PCNX1: variants seen among roughly 807,000 people sequenced by gnomAD.
The protein encoded by PCNX1 is pecanex 1.
Under a neutral mutation model 242.2 loss-of-function variants are expected in PCNX1, and 78 were observed. The observed-to-expected ratio is 0.32, with a 90% CI of 0.27 to 0.39. The LOEUF (loss-of-function observed/expected upper bound fraction) is 0.39, where lower values mean the gene tolerates loss of function less well. PCNX1 is among the 10% of genes least tolerant of loss of function. PCNX1 has a pLI of 1.00. For missense variants in PCNX1, 2,581 were observed against 2,856.5 expected, an observed-to-expected ratio of 0.90 and a Z score of 2.20; for synonymous variants, 1,024 against 1,032.9, an observed-to-expected ratio of 0.99 and a Z score of 0.17.
intron 3 of PCNX1, among the ~76,000 whole-genome samples, chr14:70,965,082 T>A (rs2058336754): frequency 6.6e-6 from 1 of 152,178 alleles, no homozygotes; most frequent in African/African-American, 2.4e-5. Flanking sequence ...TACTAAACAG[T>A]GAACCCACTG....
chr14:71,074,128 C>G (rs1028352390), intron 27 of PCNX1, among the ~76,000 whole-genome samples: 1 of 152,168 alleles, frequency 6.6e-6, no homozygotes, highest in Non-Finnish European at 1.5e-5. Flanking sequence ...AAGTATTTCC[C>G]TATTTTACAA....
intron 1 of PCNX1, among the ~76,000 whole-genome samples, chr14:70,929,835 A>G (rs2056724371): frequency 6.6e-6 from 1 of 152,240 alleles, no homozygotes. Context: ...ATATGTGAAT[A>G]AATTGGACAA....
At chr14:71,012,107 G>C (rs1400941108) in intron 10 of PCNX1, 1 of 152,972 alleles carries the variant, frequency 6.5e-6, no homozygotes, top group Non-Finnish European at 1.5e-5. Flanking sequence ...ATATAGTATA[G>C]TAATTTGTAT....
chr14:71,049,392 T>G (rs1276299897), intron 22 of PCNX1, among the ~76,000 whole-genome samples: 1 of 152,152 alleles, frequency 6.6e-6, no homozygotes, highest in Non-Finnish European at 1.5e-5. Context: ...CAGATACATT[T>G]TTTACATTAA....
At chr14:70,932,042 G>A (rs1344969580) in intron 1 of PCNX1, among the ~76,000 whole-genome samples, 2 of 152,314 alleles carry the variant, frequency 1.3e-5, no homozygotes, top group East Asian at 1.9e-4. Flanking sequence ...CAGGAGAATC[G>A]CTTGAACCTG....
At chr14:71,104,161 G>A (rs533579395) in intron 32 of PCNX1, among the ~76,000 whole-genome samples, 1 of 152,234 alleles carries the variant, frequency 6.6e-6, no homozygotes, top group Admixed American at 6.5e-5. Flanking sequence ...AATCTACAGT[G>A]TTTTCAAATA....
chr14:71,084,967 G>T (rs2061947546), intron 28 of PCNX1, among the ~76,000 whole-genome samples: 1 of 152,204 alleles, frequency 6.6e-6, no homozygotes, highest in Non-Finnish European at 1.5e-5. Flanking sequence ...CAGGGCCCTG[G>T]TGGTATAGGC....
intron 26 of PCNX1, among the ~76,000 whole-genome samples, chr14:71,060,018 C>G (rs2061284728): frequency 6.6e-6 from 1 of 152,192 alleles, no homozygotes; most frequent in South Asian, 2.1e-4. Flanking sequence ...ATGTCCCTTT[C>G]TCAGAGAAGC....
At chr14:71,104,343 A>G (rs1232953778) in intron 32 of PCNX1, among the ~76,000 whole-genome samples, 2 of 152,172 alleles carry the variant, frequency 1.3e-5, no homozygotes, top group African/African-American at 2.4e-5. Context: ...CAAATGTTCA[A>G]TCTCCGCCCA....
intron 13 of PCNX1, among the ~76,000 whole-genome samples, chr14:71,024,013 A>G (rs2060173507): frequency 6.6e-6 from 1 of 152,166 alleles, no homozygotes; most frequent in Non-Finnish European, 1.5e-5. Flanking sequence ...ATTGCTTTTC[A>G]ACTTTTTATT....
rs1476111108 is a variant in PCNX1, at chr14:71,081,716, C to CT, written c.5337+5300dup. Among the ~76,000 whole-genome samples the CT allele has an allele frequency of 3.3e-5, 5 of 152,222 alleles. No homozygotes were observed. The East Asian group carries it at 9.6e-4, about 29-fold the overall frequency. On this transcript the variant is annotated intron_variant, in intron 28 of 35. Transcript: ENST00000304743. ...TCTGTGGGATCAGTGGTGATATCCCCTTTATCATTTTTACTGTGTCTATTT... is the reference window on the plus strand; with the variant it reads ...TCTGTGGGATCAGTGGTGATATCCCCTTTTATCATTTTTACTGTGTCTATTT...
intron 1 of PCNX1, among the ~76,000 whole-genome samples, chr14:70,944,039 A>G (rs948739538): frequency 2.0e-5 from 3 of 152,184 alleles, no homozygotes; most frequent in African/African-American, 7.2e-5. Context: ...GCAGTGGTGG[A>G]GCCCTTATGG....
intron 26 of PCNX1, among the ~76,000 whole-genome samples, chr14:71,064,840 T>C (rs1219867956): frequency 1.3e-5 from 2 of 152,186 alleles, no homozygotes; most frequent in Non-Finnish European, 2.9e-5. Context: ...ACTGTTCGGC[T>C]CCCACTTATG....
chr14:71,025,634 G>A (rs940439728), intron 13 of PCNX1, among the ~76,000 whole-genome samples: 1 of 152,004 alleles, frequency 6.6e-6, no homozygotes, highest in East Asian at 1.9e-4. Flanking sequence ...TAATGAGACT[G>A]TGGGAGCCCA....
At chr14:71,015,171 G>C (rs2059928665) in intron 11 of PCNX1, among the ~76,000 whole-genome samples, 8 of 152,132 alleles carry the variant, frequency 5.3e-5, no homozygotes, top group Admixed American at 4.6e-4. Context: ...GAATTCTTAT[G>C]AGCAGACCCA....
At chr14:70,962,427 A>G (rs1595064605) in intron 3 of PCNX1, 96 bp downstream of exon 3, 3 of 670,924 alleles carry the variant, frequency 4.5e-6, no homozygotes, top group South Asian at 1.8e-5. Flanking sequence ...GTTTTGTCAT[A>G]TCTTTCTGAT....
intron 1 of PCNX1, among the ~76,000 whole-genome samples, chr14:70,919,582 A>G (rs1046014677): frequency 1.3e-5 from 2 of 151,970 alleles, no homozygotes; most frequent in Non-Finnish European, 2.9e-5. Flanking sequence ...CAAACGTTCT[A>G]TAGAGTTGAT....
intron 8 of PCNX1, among the ~76,000 whole-genome samples, chr14:71,002,182 T>C (rs924752040): frequency 6.6e-6 from 1 of 152,214 alleles, no homozygotes; most frequent in Non-Finnish European, 1.5e-5. Context: ...TTTCTTCTTA[T>C]ATACTACTTT....
intron 26 of PCNX1, among the ~76,000 whole-genome samples, chr14:71,073,016 C>T (rs1474217321): frequency 6.6e-6 from 1 of 152,220 alleles, no homozygotes; most frequent in East Asian, 1.9e-4. Flanking sequence ...AATTATCAGA[C>T]CCGTAGTGTG....
Sources: allele counts gnomAD v4.1 joint callset (sites outside exome capture counted in the v4.1 genomes callset), GRCh38; gene constraint gnomAD v4.1.1; transcripts MANE v1.5; gene names NCBI Gene and HGNC (gene_info 2026-07-23, HGNC 2026-07-21).